TMBIM6: variants seen among roughly 807,000 people sequenced by gnomAD.
The protein encoded by TMBIM6 is bax inhibitor 1.
In TMBIM6, 13 loss-of-function variants were observed where a neutral mutation model predicts 31.4. The observed-to-expected ratio is 0.41, with a 90% confidence interval of 0.27 to 0.66. TMBIM6 has a LOEUF of 0.66. Among genes scored for constraint, TMBIM6 ranks in the 30% least tolerant of loss-of-function variants. TMBIM6 has a pLI of 0.28. For synonymous variants in TMBIM6, 85 were observed against 101.7 expected, an observed-to-expected ratio of 0.84 and a Z score of 0.99; for missense variants, 275 against 289.5, an observed-to-expected ratio of 0.95 and a Z score of 0.36.
intron 1 of TMBIM6, among the ~76,000 whole-genome samples, chr12:49,749,087 A>G (rs989642254): frequency 2.6e-5 from 4 of 152,244 alleles, no homozygotes; most frequent in East Asian, 1.9e-4. Flanking sequence ...CATATCGGCC[A>G]TTGAAATGTA....
Position 49,758,673 on chromosome 12 carries a change from T to C in TMBIM6, c.434-10T>C. On this transcript the variant is annotated splice_polypyrimidine_tract_variant and intron_variant, in intron 6 of 9. Coordinates refer to ENST00000267115, the MANE Select transcript of TMBIM6 (RefSeq NM_003217.3). Reference sequence around the variant, plus strand: ...CTTCTCTCAAGACAGCTTTTTGCTGTGTCTTATAGGTATCTTGATGTCAGC... The same window carrying C: ...CTTCTCTCAAGACAGCTTTTTGCTGCGTCTTATAGGTATCTTGATGTCAGC... 3 of 1,613,824 alleles carry C rather than the reference T, an allele frequency of 1.9e-6. No individual in the cohort carries two copies. The highest frequency in any genetic ancestry group is 2.5e-6 in the Non-Finnish European group (3 of 1,179,890).
chr12:49,752,633 T>G, intron 2 of TMBIM6, 84 bp downstream of exon 2: 1 of 1,178,628 alleles, frequency 8.5e-7, no homozygotes, highest in Non-Finnish European at 1.2e-6. Flanking sequence ...AACTTTTGTG[T>G]GTATAAGCTA....
chr12:49,742,141 C>T (rs755295124), intron 1 of TMBIM6: 2 of 1,611,376 alleles, frequency 1.2e-6, no homozygotes, highest in Middle Eastern at 1.7e-4. Flanking sequence ...CGGGTGATGT[C>T]ACACTCCTCT....
rs1479633549 is a variant in TMBIM6, at chr12:49,763,535, C to T, written c.*639C>T. On this transcript the variant is annotated 3_prime_UTR_variant, in exon 10 of 10. Transcript: ENST00000267115. ...CCTTTCCCACCCCTTGCCTGACCCT[C>T]AGGGAGTCAGCCTGCTTCCATCCAT... 3 of 152,278 alleles carry T rather than the reference C, an allele frequency of 2.0e-5. No individual in the cohort carries two copies. In the East Asian group the frequency reaches 5.8e-4, roughly 29 times the overall value. 9.4% of individuals were successfully genotyped at this position (152,278 alleles called of 1,614,324 possible). A position where few individuals can be genotyped will look rare whatever the true frequency, so the allele number is the denominator to read the frequency against.
chr12:49,745,033 C>T (rs1190022159), intron 1 of TMBIM6, among the ~76,000 whole-genome samples: 4 of 152,134 alleles, frequency 2.6e-5, no homozygotes, highest in Non-Finnish European at 4.4e-5. Context: ...GAGATGGATT[C>T]AGTATTAGCT....
chr12:49,746,608 T>C (rs1014986689), intron 1 of TMBIM6, among the ~76,000 whole-genome samples: 2 of 152,182 alleles, frequency 1.3e-5, no homozygotes, highest in Admixed American at 1.3e-4. Context: ...ACAGTGAGGT[T>C]AAGTGCCAGC....
chr12:49,752,696 A>G, intron 2 of TMBIM6, 147 bp downstream of exon 2: 3 of 732,098 alleles, frequency 4.1e-6, no homozygotes, highest in Non-Finnish European at 6.7e-6. Flanking sequence ...TCCAAATTCT[A>G]CACGTTGCTG....
At chr12:49,752,922 A>C in intron 2 of TMBIM6, 51 bp from the exon 3 acceptor site, 1 of 1,509,726 alleles carries the variant, frequency 6.6e-7, no homozygotes, top group Non-Finnish European at 9.1e-7. Flanking sequence ...TCTTAGCTTA[A>C]ATATGAGATT....
At chr12:49,758,556 CT>C (rs1335558613) in intron 6 of TMBIM6, 76 bp downstream of exon 6, 13 of 1,556,088 alleles carry the variant, frequency 8.4e-6, no homozygotes, top group African/African-American at 2.7e-5. Flanking sequence ...TTCCTTACCC[CT>C]AACTCCTTTG....
Position 49,758,555 on chromosome 12 carries a change from C to G in TMBIM6, c.433+75C>G, listed in dbSNP as rs968232978. Reference sequence around the variant, plus strand: ...TTCTCACTAGTACTCCTTCCTTACCCCTAACTCCTTTGCGACTATTGAGTT... The same window carrying G: ...TTCTCACTAGTACTCCTTCCTTACCGCTAACTCCTTTGCGACTATTGAGTT... On this transcript the variant is annotated intron_variant, in intron 6 of 9. Transcript: ENST00000267115. The G allele has an allele frequency of 1.9e-6, 3 of 1,556,074 alleles. No homozygotes were observed. In the African/African-American group the frequency reaches 4.1e-5, roughly 21 times the overall value.
At chr12:49,752,423 T>C in intron 1 of TMBIM6, 41 bp from the exon 2 acceptor site, 1 of 1,420,962 alleles carries the variant, frequency 7.0e-7, no homozygotes, top group South Asian at 1.3e-5. Context: ...TTCGTGTGAT[T>C]CTGTATGACT....
intron 8 of TMBIM6, among the ~76,000 whole-genome samples, chr12:49,761,369 A>G (rs964606867): frequency 6.6e-6 from 1 of 152,106 alleles, no homozygotes; most frequent in African/African-American, 2.4e-5. Flanking sequence ...ACATGCCACA[A>G]TGCCCTGCTA....
At chr12:49,759,016 A>T (rs758500091) in intron 7 of TMBIM6, 38 of 627,708 alleles carry the variant, frequency 6.1e-5, no homozygotes, top group Non-Finnish European at 1.0e-4. Flanking sequence ...TGTTAAAATG[A>T]TTGAAACTCT....
chr12:49,745,348 T>C (rs919581471), intron 1 of TMBIM6, among the ~76,000 whole-genome samples: 4 of 152,174 alleles, frequency 2.6e-5, no homozygotes, highest in African/African-American at 9.7e-5. Flanking sequence ...TAAACAAAAG[T>C]ACAGACGGGC....
chr12:49,755,818 T>C, intron 4 of TMBIM6, 63 bp downstream of exon 4: 3 of 1,529,584 alleles, frequency 2.0e-6, no homozygotes, highest in Non-Finnish European at 2.6e-6. Context: ...TCTTAATTAG[T>C]TCCCCCCCCT....
intron 5 of TMBIM6, 25 bp downstream of exon 5, chr12:49,758,300 G>A (rs1298441458): frequency 6.2e-7 from 1 of 1,614,134 alleles, no homozygotes; most frequent in Non-Finnish European, 8.5e-7. Context: ...AGTGTCTTAT[G>A]TGCTTTTATC....
chr12:49,755,523 A>G (rs1011978918), intron 3 of TMBIM6, 112 bp from the exon 4 acceptor site: 1 of 1,370,808 alleles, frequency 7.3e-7, no homozygotes, highest in Non-Finnish European at 1.0e-6. Flanking sequence ...CCTCCAGGTT[A>G]TAAGCAAATG....
At chr12:49,744,008 T>C (rs1316927342) in intron 1 of TMBIM6, among the ~76,000 whole-genome samples, 1 of 152,198 alleles carries the variant, frequency 6.6e-6, no homozygotes, top group Non-Finnish European at 1.5e-5. Flanking sequence ...AAATGATTTT[T>C]CCTAGGTTAT....
At chr12:49,759,109 A>G in intron 7 of TMBIM6, 112 bp from the exon 8 acceptor site, 2 of 911,660 alleles carry the variant, frequency 2.2e-6, no homozygotes, top group South Asian at 2.9e-5. Context: ...GGTAATGTTC[A>G]TAGGGTTCAC....
Sources: allele counts gnomAD v4.1 joint callset (sites outside exome capture counted in the v4.1 genomes callset), GRCh38; gene constraint gnomAD v4.1.1; transcripts MANE v1.5; gene names NCBI Gene and HGNC (gene_info 2026-07-23, HGNC 2026-07-21).